The following TMEM52B variants were observed in gnomAD, a reference collection of about 807,000 sequenced individuals.
The protein encoded by TMEM52B is chromosome 12 open reading frame 59.
Under a neutral mutation model 16.1 loss-of-function variants are expected in TMEM52B, and 11 were observed. The ratio of observed to expected loss-of-function variants is 0.68; its 90% CI spans 0.43 to 1.13. The LOEUF (loss-of-function observed/expected upper bound fraction) is 1.13, where lower values mean the gene tolerates loss of function less well. TMEM52B is among the 50% of genes most tolerant of loss of function. The pLI, the probability that TMEM52B is intolerant of heterozygous loss-of-function variation, is 0.00. For synonymous variants in TMEM52B, 101 were observed against 93.8 expected, an observed-to-expected ratio of 1.08 and a Z score of -0.45; for missense variants, 243 against 230.4, an observed-to-expected ratio of 1.05 and a Z score of -0.35.
rs539262669 is a variant in TMEM52B, at chr12:10,190,493, C to T, written c.*353C>T. On this transcript the variant is annotated 3_prime_UTR_variant, in exon 5 of 5. Transcript: ENST00000543484. Reference sequence around the variant, plus strand: ...TGCAAGTTGTGTCTCTCTCTGTCAGCGAATCCACTGCGGTTAACTGGAAAA... The same window carrying T: ...TGCAAGTTGTGTCTCTCTCTGTCAGTGAATCCACTGCGGTTAACTGGAAAA... The T allele has an allele frequency of 1.1e-3, 286 of 256,190 alleles. No individual in the cohort carries two copies. The highest frequency in any genetic ancestry group is 1.5e-3 in the Non-Finnish European group (197 of 129,022). The allele number at this position is 256,190 out of a possible 1,614,324, so 15.9% of individuals were successfully genotyped here. A position where few individuals can be genotyped will look rare whatever the true frequency, so the allele number is the denominator to read the frequency against.
At chr12:10,178,541 A>AT (rs1948786719), upstream of TMEM52B, among the ~76,000 whole-genome samples, 1 of 140,972 alleles carries the variant, frequency 7.1e-6, no homozygotes, top group South Asian at 2.2e-4. Flanking sequence ...AAAAAAAAAA[A>AT]GTATTCTATG....
chr12:10,171,472 C>T (rs979872817), intron 1 of TMEM52B, among the ~76,000 whole-genome samples: 1 of 152,166 alleles, frequency 6.6e-6, no homozygotes, highest in Non-Finnish European at 1.5e-5. Flanking sequence ...TACTGAATAT[C>T]ATTTACTTTG....
At chr12:10,187,580 A>T (rs11053661) in intron 4 of TMEM52B, among the ~76,000 whole-genome samples, 15,016 of 150,772 alleles carry the variant, frequency 0.1, 1,615 homozygotes, top group East Asian at 0.5. Flanking sequence ...ATATTTTTTT[A>T]AATTTTTATT....
Position 10,182,580 on chromosome 12 carries a change from GGT to G in TMEM52B, c.86_87del (p.Gly29GlufsTer3). The part of the protein sequence containing the change: ...LSGTRCEENC[G>X]NPEHCLTTDW... The stretch of plus-strand genomic sequence containing the variant: ...TGGGACGAGATGTGAGGAAAACTGT[GGT>G]AATCCTGAACAGTAAGTATAGAGTT... On this transcript the variant is annotated frameshift_variant, in exon 2 of 5. Transcript: ENST00000543484. LOFTEE classifies it high-confidence loss of function. The G allele has an allele frequency of 6.5e-7, 1 of 1,535,232 alleles. No individual in the cohort carries two copies. The highest frequency in any genetic ancestry group is 8.7e-7 in the Non-Finnish European group (1 of 1,146,356).
At chr12:10,181,177 T>C (rs1948818243) in intron 1 of TMEM52B, among the ~76,000 whole-genome samples, 1 of 152,012 alleles carries the variant, frequency 6.6e-6, no homozygotes, top group African/African-American at 2.4e-5. Context: ...GTTTTGTTTG[T>C]TTTTTTGTTT....
Position 10,179,415 on chromosome 12 carries a change from G to A in TMEM52B, c.-160G>A, listed in dbSNP as rs1322846336. The A allele has an allele frequency of 1.4e-6, 1 of 731,000 alleles. No individual in the cohort carries two copies. 45.3% of individuals were successfully genotyped at this position (731,000 alleles called of 1,614,324 possible). Reference sequence around the variant, plus strand: ...AGAAAATAACAGCCAGAGCGAGTAGGAGGAGACAGAGAGAACGAGAGAGAG... The same window carrying A: ...AGAAAATAACAGCCAGAGCGAGTAGAAGGAGACAGAGAGAACGAGAGAGAG... On this transcript the variant is annotated 5_prime_UTR_variant, in exon 1 of 5. Coordinates refer to ENST00000543484, the MANE Select transcript of TMEM52B (RefSeq NM_001384896.1).
rs1017039316 is a variant in TMEM52B at position 10,179,401 on chromosome 12, G to T, written c.-174G>T. ...GAGGGAAAAGCCATAGAAAATAACAGCCAGAGCGAGTAGGAGGAGACAGAG... is the reference window on the plus strand; with the variant it reads ...GAGGGAAAAGCCATAGAAAATAACATCCAGAGCGAGTAGGAGGAGACAGAG... On this transcript the variant is annotated 5_prime_UTR_variant, in exon 1 of 5. Transcript: ENST00000543484. 11 of 657,094 alleles carry T rather than the reference G, an allele frequency of 1.7e-5. No individual in the cohort carries two copies. The highest frequency in any genetic ancestry group is 3.0e-5 in the Non-Finnish European group (11 of 371,592). The allele number at this position is 657,094 out of a possible 1,614,324, so 40.7% of individuals were successfully genotyped here.
intron 1 of TMEM52B, chr12:10,172,253 A>G: frequency 1.8e-6 from 1 of 559,130 alleles, no homozygotes; most frequent in Non-Finnish European, 3.2e-6. Flanking sequence ...TCGCTGACGC[A>G]AATTCTTGAG....
chr12:10,189,991 CTCCCAGGGT>C lies in TMEM52B; in HGVS notation c.404_412del (p.Leu135_Tyr138delinsHis), dbSNP rs1171877438. On this transcript the variant is annotated inframe_deletion, in exon 5 of 5. Coordinates refer to ENST00000543484, the MANE Select transcript of TMEM52B (RefSeq NM_001384896.1). ...CCAGCTGCCCTCCTCTTTGGACACC[CTCCCAGGGT>C]ATGAAGAAGCTCTTCACATGAGTCG... 6.2e-7 allele frequency: 1 copy of C among 1,614,082 alleles called. No individual in the cohort carries two copies. The highest frequency in any genetic ancestry group is 8.5e-7 in the Non-Finnish European group (1 of 1,180,050).
upstream of TMEM52B, chr12:10,175,505 GT>G (rs1368811923): frequency 6.6e-6 from 1 of 152,170 alleles, no homozygotes; most frequent in Non-Finnish European, 1.5e-5. Flanking sequence ...AAAGTACATT[GT>G]TTTACCTTGC....
upstream of TMEM52B, among the ~76,000 whole-genome samples, chr12:10,174,597 G>T (rs535697944): frequency 2.0e-4 from 31 of 152,244 alleles, no homozygotes; most frequent in Admixed American, 1.6e-3. Flanking sequence ...CCACTCGCTG[G>T]CCGAGTCTGG....
In TMEM52B at chr12:10,179,512, G is replaced by A. The variant is rs1948797239; in HGVS notation, c.-63G>A. The A allele has an allele frequency of 3.2e-6, 5 of 1,547,796 alleles. No homozygotes were observed. The highest frequency in any genetic ancestry group is 3.6e-6 in the Non-Finnish European group (4 of 1,119,728). On this transcript the variant is annotated 5_prime_UTR_variant, in exon 1 of 5. Coordinates refer to ENST00000543484, the MANE Select transcript of TMEM52B (RefSeq NM_001384896.1). ...AGGTCAAGAAGTAAAATATGGCACA[G>A]AGCATTGAAAGGAGGCAACGGATGC...
At chr12:10,189,508 C>T (rs1948930264) in intron 4 of TMEM52B, among the ~76,000 whole-genome samples, 1 of 151,526 alleles carries the variant, frequency 6.6e-6, no homozygotes, top group Non-Finnish European at 1.5e-5. Flanking sequence ...CCTGTAATCC[C>T]AGCTACTTGG....
chr12:10,182,695 T>G, intron 2 of TMEM52B, 102 bp downstream of exon 2: 1 of 1,214,928 alleles, frequency 8.2e-7, no homozygotes, highest in Non-Finnish European at 1.1e-6. Context: ...CTTCTTTTTA[T>G]TTATTTTTAC....
intron 4 of TMEM52B, 120 bp downstream of exon 4, chr12:10,186,709 T>A: frequency 9.2e-7 from 1 of 1,085,058 alleles, no homozygotes; most frequent in Non-Finnish European, 1.2e-6. Context: ...TCACAATAAT[T>A]TCCATTCCCA....
chr12:10,189,545 A>T, intron 4 of TMEM52B, among the ~76,000 whole-genome samples: 1 of 150,886 alleles, frequency 6.6e-6, no homozygotes, highest in South Asian at 2.1e-4. Flanking sequence ...AATCACTTGA[A>T]TCCAGGAGGC....
At chr12:10,184,413 G>A (rs927085934) in intron 2 of TMEM52B, among the ~76,000 whole-genome samples, 1 of 152,136 alleles carries the variant, frequency 6.6e-6, no homozygotes, top group Non-Finnish European at 1.5e-5. Flanking sequence ...AACAAATTGT[G>A]ATTGGCATCA....
intron 4 of TMEM52B, among the ~76,000 whole-genome samples, chr12:10,188,847 T>G (rs1318727332): frequency 6.6e-6 from 1 of 151,322 alleles, no homozygotes; most frequent in Non-Finnish European, 1.5e-5. Context: ...TGAAACCCCA[T>G]CTCTACTGAA....
chr12:10,180,271 GT>G (rs1351612520), intron 1 of TMEM52B, among the ~76,000 whole-genome samples: 1 of 114,298 alleles, frequency 8.7e-6, no homozygotes, highest in Non-Finnish European at 1.8e-5. Flanking sequence ...GGGCTGTATG[GT>G]TTGTTTTTTT....
Sources: allele counts gnomAD v4.1 joint callset (sites outside exome capture counted in the v4.1 genomes callset), GRCh38; gene constraint gnomAD v4.1.1; transcripts MANE v1.5; gene names NCBI Gene and HGNC (gene_info 2026-07-23, HGNC 2026-07-21).